Variants in ADARB2 observed in about 807,000 individuals in gnomAD.
ADARB2 encodes the protein adenosine deaminase RNA specific B2 (inactive), also known as inactive double-stranded RNA-specific editase B2.
Under a neutral mutation model 62.2 loss-of-function variants are expected in ADARB2, and 25 were observed. The ratio of observed to expected loss-of-function variants is 0.40; its 90% CI spans 0.29 to 0.56. The LOEUF is 0.56. ADARB2 is among the 20% of genes least tolerant of loss of function. ADARB2 has a pLI of 0.43. For missense variants in ADARB2, 1,071 were observed against 1,077.4 expected (o/e 0.99, Z 0.08); for synonymous variants, 572 against 500.8 (o/e 1.14, Z -1.90).
At chr10:1,265,649 G>T in intron 4 of ADARB2, among the ~76,000 whole-genome samples, 1 of 93,364 alleles carries the variant, frequency 1.1e-5, no homozygotes, top group East Asian at 2.9e-4. Flanking sequence ...CCTGAGCCAG[G>T]TCCACGCTCT....
intron 3 of ADARB2, among the ~76,000 whole-genome samples, chr10:1,356,673 AAG>A (rs1367636784): frequency 1.1e-4 from 16 of 152,126 alleles, no homozygotes; most frequent in African/African-American, 3.9e-4. Flanking sequence ...CACCATCTTA[AAG>A]CCCATTCTTT....
At chr10:1,251,872 G>A (rs1411104651) in intron 4 of ADARB2, among the ~76,000 whole-genome samples, 2 of 152,102 alleles carry the variant, frequency 1.3e-5, no homozygotes, top group East Asian at 1.9e-4. Flanking sequence ...CCCTCCAAAC[G>A]ATGTAGCAAC....
chr10:1,393,865 G>C (rs10903439), intron 1 of ADARB2, among the ~76,000 whole-genome samples: 58,950 of 152,060 alleles, frequency 0.39, 12,006 homozygotes, highest in Middle Eastern at 0.46. Context: ...CTAAAGGTGT[G>C]TGTTCACACT....
At chr10:1,278,280 C>A (rs1479409232) in intron 3 of ADARB2, among the ~76,000 whole-genome samples, 1 of 148,990 alleles carries the variant, frequency 6.7e-6, no homozygotes. Context: ...CACACCCGGT[C>A]CTTTTTTTCT....
rs1346759729 is a variant in ADARB2, at chr10:1,615,481, A to T, written c.100+121570T>A. On this transcript the variant is annotated intron_variant, in intron 1 of 9. Coordinates refer to ENST00000381312, the MANE Select transcript of ADARB2 (RefSeq NM_018702.4). ...GTATGGTGGATGTGTCAGGGTGCAC[A>T]GCTGTCCGGGTGGGGCATTGTCCAC... 2.6e-5 allele frequency among the ~76,000 whole-genome samples: 4 copies of T among 152,182 alleles called. No individual in the cohort carries two copies. In the East Asian group the frequency reaches 7.7e-4, roughly 29 times the overall value.
At chr10:1,604,763 C>T (rs1289000905) in intron 1 of ADARB2, among the ~76,000 whole-genome samples, 2 of 152,172 alleles carry the variant, frequency 1.3e-5, no homozygotes, top group African/African-American at 4.8e-5. Context: ...ACAATGAGTT[C>T]ATGCATCAAC....
At chr10:1,418,249 A>T (rs1832821734) in intron 1 of ADARB2, among the ~76,000 whole-genome samples, 1 of 152,160 alleles carries the variant, frequency 6.6e-6, no homozygotes, top group Admixed American at 6.5e-5. Context: ...TCTCCTTAGA[A>T]TTTCAAGTCG....
At chr10:1,250,362 G>A (rs1831025743) in intron 4 of ADARB2, among the ~76,000 whole-genome samples, 1 of 152,084 alleles carries the variant, frequency 6.6e-6, no homozygotes, top group Non-Finnish European at 1.5e-5. Context: ...GATTCCTTAT[G>A]AAGGGCTTGG....
intron 1 of ADARB2, among the ~76,000 whole-genome samples, chr10:1,588,364 T>C (rs1833207213): frequency 6.6e-6 from 1 of 152,188 alleles, no homozygotes; most frequent in Non-Finnish European, 1.5e-5. Context: ...GATTTGGTGA[T>C]CAACAAAGCC....
intron 1 of ADARB2, among the ~76,000 whole-genome samples, chr10:1,447,611 A>G (rs1360841840): frequency 6.6e-6 from 1 of 151,958 alleles, no homozygotes; most frequent in Non-Finnish European, 1.5e-5. Context: ...TCAGGGGTAC[A>G]TGTGCAGGTT....
chr10:1,514,662 T>G (rs1422401076), intron 1 of ADARB2, among the ~76,000 whole-genome samples: 6 of 151,918 alleles, frequency 3.9e-5, no homozygotes, highest in Non-Finnish European at 7.4e-5. Flanking sequence ...GAATTTTAAG[T>G]TGTATTTAAT....
intron 5 of ADARB2, 96 bp downstream of exon 5, chr10:1,242,035 A>T: frequency 7.7e-7 from 1 of 1,302,574 alleles, no homozygotes; most frequent in Non-Finnish European, 1.0e-6. Context: ...GGATAGAGGG[A>T]AGCGTGTTCT....
intron 1 of ADARB2, among the ~76,000 whole-genome samples, chr10:1,458,620 G>A (rs555767603): frequency 7.2e-5 from 11 of 152,202 alleles, no homozygotes; most frequent in African/African-American, 2.4e-4. Context: ...TGGCTTCCAC[G>A]GTGCCCTCTG....
chr10:1,372,934 A>C (rs927875068), intron 2 of ADARB2, among the ~76,000 whole-genome samples: 7 of 152,158 alleles, frequency 4.6e-5, no homozygotes, highest in Non-Finnish European at 8.8e-5. Flanking sequence ...GCATCTAACC[A>C]AGGAGATGAA....
intron 1 of ADARB2, among the ~76,000 whole-genome samples, chr10:1,690,854 C>T (rs1402415633): frequency 2.6e-5 from 4 of 152,198 alleles, no homozygotes; most frequent in African/African-American, 9.7e-5. Flanking sequence ...ACTCTTGCAC[C>T]TTGACAGTCC....
intron 1 of ADARB2, among the ~76,000 whole-genome samples, chr10:1,731,398 A>G (rs1835230382): frequency 6.6e-6 from 1 of 152,234 alleles, no homozygotes; most frequent in African/African-American, 2.4e-5. Flanking sequence ...ATATGCAAGC[A>G]GAGAGGAGTT....
chr10:1,371,840 G>C (rs1832375379), intron 2 of ADARB2, among the ~76,000 whole-genome samples: 1 of 151,384 alleles, frequency 6.6e-6, no homozygotes, highest in South Asian at 2.1e-4. Context: ...AGAGAAAAGG[G>C]GATGCTTGTG....
At chr10:1,316,692 C>T (rs550408670) in intron 3 of ADARB2, among the ~76,000 whole-genome samples, 23 of 152,330 alleles carry the variant, frequency 1.5e-4, no homozygotes, top group African/African-American at 4.3e-4. Flanking sequence ...CTGTGCCCTC[C>T]CCACACCCCA....
chr10:1,515,772 C>A (rs1012293136), intron 1 of ADARB2, among the ~76,000 whole-genome samples: 2 of 152,210 alleles, frequency 1.3e-5, no homozygotes, highest in Non-Finnish European at 2.9e-5. Flanking sequence ...GTGCAGGAAG[C>A]GGCCAGCCAC....
Sources: gnomAD v4.1 joint callset for allele counts (sites outside exome capture counted in the v4.1 genomes callset) on GRCh38, gnomAD v4.1.1 for gene constraint, MANE v1.5 for transcripts, NCBI Gene and HGNC (gene_info 2026-07-23, HGNC 2026-07-21) for gene names.